The following AGK variants were observed in gnomAD, a reference collection of about 807,000 sequenced individuals.
AGK encodes the protein acylglycerol kinase.
AGK carries 52 observed loss-of-function variants against 66.4 expected under a neutral mutation model. The observed-to-expected ratio is 0.78, with a 90% CI of 0.63 to 0.99. AGK has a LOEUF of 0.99. AGK is among the 50% of genes least tolerant of loss of function. The pLI, the probability that AGK is intolerant of heterozygous loss-of-function variation, is 0.00. For missense variants in AGK, 451 were observed against 506.6 expected, an observed-to-expected ratio of 0.89 and a Z score of 1.05; for synonymous variants, 182 against 181.1, an observed-to-expected ratio of 1.00 and a Z score of -0.04.
At chr7:141,615,776 G>C in intron 8 of AGK, 1 of 550,472 alleles carries the variant, frequency 1.8e-6, no homozygotes, top group East Asian at 3.1e-5. Flanking sequence ...AGGTCAGGTA[G>C]GGAGGTGAAT....
intron 10 of AGK, among the ~76,000 whole-genome samples, chr7:141,634,808 C>T (rs1797135665): frequency 6.7e-6 from 1 of 149,686 alleles, no homozygotes; most frequent in East Asian, 1.9e-4. Flanking sequence ...TGCTCTTTCA[C>T]TTAATAGGCC....
At chr7:141,614,922 T>C (rs1032199528) in intron 7 of AGK, among the ~76,000 whole-genome samples, 2 of 152,226 alleles carry the variant, frequency 1.3e-5, no homozygotes, top group Non-Finnish European at 2.9e-5. Flanking sequence ...TTGGTAATAG[T>C]ACATTGTGCT....
chr7:141,554,914 G>A (rs1303086668), intron 1 of AGK, among the ~76,000 whole-genome samples: 2 of 152,166 alleles, frequency 1.3e-5, no homozygotes, highest in Non-Finnish European at 2.9e-5. Context: ...TTTTTAGATA[G>A]CCATGTACAT....
intron 2 of AGK, among the ~76,000 whole-genome samples, chr7:141,559,076 TA>T (rs2116851966): frequency 6.6e-6 from 1 of 152,366 alleles, no homozygotes; most frequent in South Asian, 2.1e-4. Context: ...CTGGCCTTTT[TA>T]CACTATTGAT....
chr7:141,558,677 A>G (rs1298238365), intron 2 of AGK, among the ~76,000 whole-genome samples: 1 of 152,148 alleles, frequency 6.6e-6, no homozygotes, highest in Non-Finnish European at 1.5e-5. Flanking sequence ...ATGGTAGTCT[A>G]TTTTTAATTT....
At chr7:141,650,607 T>A (rs1322264166) in intron 14 of AGK, 1 of 985,450 alleles carries the variant, frequency 1.0e-6, no homozygotes, top group East Asian at 1.1e-4. Flanking sequence ...TTACTTAGAT[T>A]AGCTTTTACT....
At chr7:141,583,395 G>C (rs890825438) in intron 2 of AGK, among the ~76,000 whole-genome samples, 3 of 145,028 alleles carry the variant, frequency 2.1e-5, no homozygotes, top group Non-Finnish European at 4.5e-5. Flanking sequence ...GGAGAGGAGA[G>C]AGAGGGTAGA....
chr7:141,642,816 T>C (rs1418229163), intron 13 of AGK, among the ~76,000 whole-genome samples: 1 of 152,222 alleles, frequency 6.6e-6, no homozygotes. Flanking sequence ...GTGGCTGCCT[T>C]TGTGCTACAG....
At chr7:141,633,607 C>T (rs1021914225) in intron 9 of AGK, among the ~76,000 whole-genome samples, 1 of 152,052 alleles carries the variant, frequency 6.6e-6, no homozygotes, top group Admixed American at 6.6e-5. Flanking sequence ...CTGACTGGCT[C>T]GAGAGGTAAC....
At chr7:141,650,724 C>T in intron 14 of AGK, 4 of 960,670 alleles carry the variant, frequency 4.2e-6, no homozygotes, top group Non-Finnish European at 5.0e-6. Context: ...ATATTGTATG[C>T]CAAGTAGACC....
At chr7:141,651,757 A>G in intron 15 of AGK, 148 bp downstream of exon 15, 1 of 722,200 alleles carries the variant, frequency 1.4e-6, no homozygotes, top group South Asian at 1.7e-5. Flanking sequence ...TCTGGGTCAT[A>G]TTAGCGGGGA....
At chr7:141,650,393 C>A (rs138017580) in intron 14 of AGK, 2 of 439,968 alleles carry the variant, frequency 4.5e-6, no homozygotes, top group African/African-American at 4.3e-5. Context: ...GACCCCAATT[C>A]TATTGCTAAG....
At chr7:141,600,196 T>G (rs939629618) in intron 4 of AGK, among the ~76,000 whole-genome samples, 1 of 152,178 alleles carries the variant, frequency 6.6e-6, no homozygotes, top group African/African-American at 2.4e-5. Context: ...TGTTTGACAT[T>G]GATTGAAAGT....
intron 11 of AGK, among the ~76,000 whole-genome samples, chr7:141,640,414 GGAGT>G (rs1008861322): frequency 6.6e-6 from 1 of 152,128 alleles, no homozygotes; most frequent in Non-Finnish European, 1.5e-5. Flanking sequence ...AGTAAGCAGT[GGAGT>G]GAGAGAAGCC....
Position 141,555,638 on chromosome 7 carries a change from A to C in AGK, c.101+71A>C, listed in dbSNP as rs564054378. The C allele has an allele frequency of 8.6e-7, 1 of 1,159,506 alleles. No homozygotes were observed. Among genetic ancestry groups the C allele is most frequent in the African/African-American group, 1.5e-5 (1 of 64,956 alleles). 71.8% of individuals were successfully genotyped at this position (1,159,506 alleles called of 1,614,324 possible). On this transcript the variant is annotated intron_variant, in intron 2 of 15. Coordinates refer to ENST00000649286, the MANE Select transcript of AGK (RefSeq NM_018238.4). The surrounding 1 kb of genome is among the most constrained non-coding windows in gnomAD (Gnocchi z 4.2). ...CAGCCCCAAAGGGCCTCAGGTTAAAATCTTGCTCAGCTGTGCTTATCCCTA... is the reference window on the plus strand; with the variant it reads ...CAGCCCCAAAGGGCCTCAGGTTAAACTCTTGCTCAGCTGTGCTTATCCCTA...
chr7:141,580,669 G>C lies in AGK; in HGVS notation c.102-12477G>C, dbSNP rs180873185. On this transcript the variant is annotated intron_variant, in intron 2 of 15. Transcript: ENST00000649286. Reference sequence around the variant, plus strand: ...TTGAGCATAGTTTGTGATTTTGAGGGCCTCTAAAAGTATTAAGGCAGCAGC... The same window carrying C: ...TTGAGCATAGTTTGTGATTTTGAGGCCCTCTAAAAGTATTAAGGCAGCAGC... Among the ~76,000 whole-genome samples the C allele has an allele frequency of 3.9e-5, 6 of 152,144 alleles. No individual in the cohort carries two copies. In the East Asian group the frequency reaches 1.2e-3, roughly 29 times the overall value.
intron 2 of AGK, among the ~76,000 whole-genome samples, chr7:141,590,501 T>C (rs1260963527): frequency 6.6e-6 from 1 of 152,150 alleles, no homozygotes; most frequent in Non-Finnish European, 1.5e-5. Flanking sequence ...CCAGGGCCTG[T>C]GCAAGTTGGA....
At chr7:141,594,456 G>T (rs1201252044) in intron 3 of AGK, among the ~76,000 whole-genome samples, 1 of 152,100 alleles carries the variant, frequency 6.6e-6, no homozygotes, top group Non-Finnish European at 1.5e-5. Flanking sequence ...CTCCCAAAGT[G>T]CTGGGATTAC....
intron 2 of AGK, among the ~76,000 whole-genome samples, chr7:141,570,162 C>T (rs1205138504): frequency 1.3e-5 from 2 of 151,978 alleles, no homozygotes; most frequent in Non-Finnish European, 2.9e-5. Context: ...CTGAGGCAGG[C>T]GGATCACGAG....
Sources: gnomAD v4.1 joint callset for allele counts (sites outside exome capture counted in the v4.1 genomes callset) on GRCh38, gnomAD v4.1.1 for gene constraint, Gnocchi (gnomAD v3.1) non-coding constraint, MANE v1.5 for transcripts, NCBI Gene and HGNC (gene_info 2026-07-23, HGNC 2026-07-21) for gene names.